The following RBFOX1 variants were observed in gnomAD, a reference collection of about 807,000 sequenced individuals.
RBFOX1 encodes the protein RNA binding protein fox-1 homolog 1.
Under a neutral mutation model 57.7 loss-of-function variants are expected in RBFOX1, and 8 were observed. The ratio of observed to expected loss-of-function variants is 0.14; its 90% CI spans 0.08 to 0.25. The LOEUF is 0.25. RBFOX1 is among the 10% of genes least tolerant of loss of function. RBFOX1 has a pLI of 1.00. For synonymous variants in RBFOX1, 326 were observed against 222.4 expected (o/e 1.47, Z -4.15); for missense variants, 611 against 548.5 (o/e 1.11, Z -1.14).
chr16:5,641,804 C>A (rs1347034100), intron 3 of RBFOX1, among the ~76,000 whole-genome samples: 3 of 152,182 alleles, frequency 2.0e-5, no homozygotes, highest in African/African-American at 7.2e-5. Flanking sequence ...ACTGTATGCT[C>A]TTCCTATGGC....
chr16:6,064,573 G>C (rs976547051), intron 1 of RBFOX1, among the ~76,000 whole-genome samples: 1 of 151,522 alleles, frequency 6.6e-6, no homozygotes, highest in African/African-American at 2.4e-5. Flanking sequence ...ACGGAGTGTC[G>C]CTCTGTCACC....
chr16:7,008,388 A>C (rs62016455), intron 3 of RBFOX1, among the ~76,000 whole-genome samples: 19,042 of 151,922 alleles, frequency 0.13, 1,263 homozygotes, highest in East Asian at 0.18. Flanking sequence ...CTAAAAATAC[A>C]AAAATTAGCC....
intron 2 of RBFOX1, among the ~76,000 whole-genome samples, chr16:6,646,701 T>A (rs186723964): frequency 6.6e-6 from 1 of 152,274 alleles, no homozygotes; most frequent in East Asian, 1.9e-4. Flanking sequence ...ACCTCGTTTC[T>A]CAGTGGTATT....
chr16:7,694,631 C>T (rs2078219165), intron 14 of RBFOX1, among the ~76,000 whole-genome samples: 2 of 152,212 alleles, frequency 1.3e-5, no homozygotes, highest in South Asian at 2.1e-4. Flanking sequence ...CGTATCTCTG[C>T]TTCTCATTGT....
chr16:6,452,099 C>T, intron 2 of RBFOX1, among the ~76,000 whole-genome samples: 1 of 148,212 alleles, frequency 6.7e-6, no homozygotes, highest in South Asian at 2.2e-4. Context: ...TCCTTCCTTC[C>T]ATGGCTCCAT....
At chr16:6,318,396 A>G (rs960815992) in intron 2 of RBFOX1, among the ~76,000 whole-genome samples, 3 of 152,182 alleles carry the variant, frequency 2.0e-5, no homozygotes, top group Admixed American at 2.0e-4. Context: ...AGTCTGTTCA[A>G]ATCTATTTAG....
chr16:7,668,244 T>C (rs2070083614), intron 13 of RBFOX1, among the ~76,000 whole-genome samples: 1 of 152,176 alleles, frequency 6.6e-6, no homozygotes. Flanking sequence ...ATTTTTTAGT[T>C]CTGCCAAAGC....
At chr16:5,383,307 C>G (rs1450961985) in intron 1 of RBFOX1, among the ~76,000 whole-genome samples, 1 of 152,116 alleles carries the variant, frequency 6.6e-6, no homozygotes, top group Non-Finnish European at 1.5e-5. Context: ...GTGGGTCTGC[C>G]AGGAGGGTGA....
Position 6,879,989 on chromosome 16 carries a change from C to T in RBFOX1, c.-15-172068C>T, listed in dbSNP as rs550400924. On this transcript the variant is annotated intron_variant, in intron 3 of 15. Transcript: ENST00000550418. Reference sequence around the variant, plus strand: ...TTCTACTTCTTTATTTGTTAATCTTCTGAAATAGTCTTAATCTTTCATACT... The same window carrying T: ...TTCTACTTCTTTATTTGTTAATCTTTTGAAATAGTCTTAATCTTTCATACT... Among the ~76,000 whole-genome samples, 5 of 152,222 alleles carry T rather than the reference C, an allele frequency of 3.3e-5. No individual in the cohort carries two copies. In the South Asian group the frequency reaches 6.2e-4, roughly 19 times the overall value.
chr16:7,364,909 A>T (rs73549036), intron 4 of RBFOX1, among the ~76,000 whole-genome samples: 2 of 152,154 alleles, frequency 1.3e-5, no homozygotes, highest in African/African-American at 2.4e-5. Context: ...GGTGTAATGG[A>T]TACTAGTGAA....
chr16:6,926,596 C>T (rs1395069021), intron 3 of RBFOX1, among the ~76,000 whole-genome samples: 2 of 152,190 alleles, frequency 1.3e-5, no homozygotes, highest in African/African-American at 2.4e-5. Flanking sequence ...ATGCTAGTTG[C>T]ATGCTGGGGC....
intron 2 of RBFOX1, among the ~76,000 whole-genome samples, chr16:5,587,758 C>T (rs965925952): frequency 6.6e-6 from 1 of 152,084 alleles, no homozygotes; most frequent in African/African-American, 2.4e-5. Flanking sequence ...ATGGAGGGAC[C>T]TGAGCCCTCA....
chr16:6,870,829 C>G lies in RBFOX1; in HGVS notation c.-15-181228C>G, dbSNP rs972893075. On this transcript the variant is annotated intron_variant, in intron 3 of 15. Transcript: ENST00000550418. ...AGGCAATTTCAGATTCTTATGACTT[C>G]TTGTCGCTCTGAGATTTACAGTCAC... Among the ~76,000 whole-genome samples, 9 of 152,296 alleles carry G rather than the reference C, an allele frequency of 5.9e-5. No homozygotes were observed. In the East Asian group the frequency reaches 1.3e-3, roughly 23 times the overall value.
intron 4 of RBFOX1, among the ~76,000 whole-genome samples, chr16:7,131,744 T>C (rs1237757244): frequency 2.6e-5 from 4 of 151,998 alleles, no homozygotes; most frequent in Admixed American, 1.3e-4. Context: ...CTTGTACAAA[T>C]TGGCCACTCA....
At chr16:6,183,541 G>C (rs2097083333) in intron 1 of RBFOX1, among the ~76,000 whole-genome samples, 1 of 151,024 alleles carries the variant, frequency 6.6e-6, no homozygotes, top group African/African-American at 2.4e-5. Flanking sequence ...AGGAGAATAG[G>C]ATATGTTCGA....
intron 4 of RBFOX1, among the ~76,000 whole-genome samples, chr16:7,125,608 GC>G (rs2068305949): frequency 6.6e-6 from 1 of 152,186 alleles, no homozygotes; most frequent in African/African-American, 2.4e-5. Flanking sequence ...TTTCATCATC[GC>G]AATAATATAG....
At chr16:6,980,049 C>T (rs939648643) in intron 3 of RBFOX1, among the ~76,000 whole-genome samples, 2 of 152,154 alleles carry the variant, frequency 1.3e-5, no homozygotes, top group Non-Finnish European at 2.9e-5. Flanking sequence ...GGCTACAGAA[C>T]TGGATATATA....
At chr16:6,483,085 A>ACCC in intron 2 of RBFOX1, 4 of 981,066 alleles carry the variant, frequency 4.1e-6, no homozygotes, top group Non-Finnish European at 3.7e-6. Context: ...AGTGCCTCCG[A>ACCC]CCCGTAGGGG....
intron 15 of RBFOX1, chr16:7,709,607 T>C: frequency 1.3e-6 from 2 of 1,530,952 alleles, no homozygotes; most frequent in Non-Finnish European, 1.8e-6. Context: ...TTACAATTCA[T>C]GTTTAAAGTC....
Sources: allele counts gnomAD v4.1 joint callset (sites outside exome capture counted in the v4.1 genomes callset), GRCh38; gene constraint gnomAD v4.1.1; transcripts MANE v1.5; gene names NCBI Gene and HGNC (gene_info 2026-07-23, HGNC 2026-07-21).